ERBB4: variants seen among roughly 807,000 people sequenced by gnomAD.
ERBB4 encodes the protein receptor tyrosine-protein kinase erbB-4.
ERBB4 carries 42 observed loss-of-function variants against 158.0 expected under a neutral mutation model. That is an observed-to-expected ratio of 0.27 (90% confidence interval 0.21 to 0.34). The LOEUF is 0.34. ERBB4 is among the 10% of genes least tolerant of loss of function. The pLI is 1.00. For missense variants in ERBB4, 1,333 were observed against 1,624.1 expected (o/e 0.82, Z 3.08); for synonymous variants, 583 against 558.7 (o/e 1.04, Z -0.61).
At chr2:212,345,138 C>T (rs2088923689) in intron 1 of ERBB4, among the ~76,000 whole-genome samples, 1 of 151,390 alleles carries the variant, frequency 6.6e-6, no homozygotes, top group South Asian at 2.1e-4. Flanking sequence ...TGATGGCGGG[C>T]GCCTGTAATC....
At chr2:212,001,915 A>G (rs74506813) in intron 2 of ERBB4, among the ~76,000 whole-genome samples, 1 of 152,328 alleles carries the variant, frequency 6.6e-6, no homozygotes, top group African/African-American at 2.4e-5. Context: ...AGATAAATTT[A>G]GCTTCATATT....
At chr2:212,407,274 T>A (rs1443028099) in intron 1 of ERBB4, among the ~76,000 whole-genome samples, 1 of 151,978 alleles carries the variant, frequency 6.6e-6, no homozygotes, top group Non-Finnish European at 1.5e-5. Flanking sequence ...TACTATAGAA[T>A]TGAATACCTG....
chr2:212,495,272 G>C (rs551394851), intron 1 of ERBB4, among the ~76,000 whole-genome samples: 3 of 139,568 alleles, frequency 2.1e-5, no homozygotes, highest in African/African-American at 6.7e-5. Context: ...AAAATCCCCT[G>C]TCTCTCACCC....
chr2:212,019,934 A>G (rs572671960), intron 2 of ERBB4, among the ~76,000 whole-genome samples: 2 of 152,202 alleles, frequency 1.3e-5, no homozygotes, highest in South Asian at 4.1e-4. Context: ...CAGTCAATAA[A>G]ATGGTAACTA....
intron 12 of ERBB4, among the ~76,000 whole-genome samples, chr2:211,681,311 TA>T (rs2072323430): frequency 6.6e-6 from 1 of 152,172 alleles, no homozygotes; most frequent in African/African-American, 2.4e-5. Flanking sequence ...AGTAGTAGAT[TA>T]CTATGAATAT....
In ERBB4 at chr2:211,378,263, A is replaced by C. The variant is rs545217993; in HGVS notation, c.*5352T>G. ...GAGTATTTTCCAGAGGAAGCATGTG[A>C]ATACCCCCCGTGAAATTGGGGCTTA... On this transcript the variant is annotated 3_prime_UTR_variant, in exon 28 of 28. Coordinates refer to ENST00000342788, the MANE Select transcript of ERBB4 (RefSeq NM_005235.3). 5 of 232,970 alleles carry C rather than the reference A, an allele frequency of 2.1e-5. No individual in the cohort carries two copies. The highest frequency in any genetic ancestry group is 1.1e-4 in the African/African-American group (5 of 45,438). 14.4% of individuals were successfully genotyped at this position (232,970 alleles called of 1,614,324 possible).
intron 16 of ERBB4, among the ~76,000 whole-genome samples, chr2:211,648,501 T>C (rs1439726413): frequency 1.3e-5 from 2 of 151,806 alleles, no homozygotes; most frequent in East Asian, 1.9e-4. Context: ...TGACATGTAG[T>C]AAATACAATG....
chr2:211,765,580 T>A (rs758129341), intron 4 of ERBB4, among the ~76,000 whole-genome samples: 3 of 152,136 alleles, frequency 2.0e-5, no homozygotes, highest in Non-Finnish European at 2.9e-5. Flanking sequence ...ATGATGGTAA[T>A]CAATCTTTCT....
chr2:211,696,379 A>G (rs2073022866), intron 12 of ERBB4, among the ~76,000 whole-genome samples: 2 of 151,670 alleles, frequency 1.3e-5, no homozygotes, highest in African/African-American at 2.4e-5. Flanking sequence ...CCAAAGTGCT[A>G]GGATTACAGG....
chr2:212,523,238 G>A (rs1692270407), intron 1 of ERBB4, among the ~76,000 whole-genome samples: 2 of 151,832 alleles, frequency 1.3e-5, no homozygotes, highest in Non-Finnish European at 2.9e-5. Flanking sequence ...CCCTAGGAAA[G>A]TGCTTCTCTT....
At chr2:211,938,497 TA>T (rs1322660858) in intron 3 of ERBB4, among the ~76,000 whole-genome samples, 1 of 152,058 alleles carries the variant, frequency 6.6e-6, no homozygotes, top group Non-Finnish European at 1.5e-5. Context: ...TAAAATTAAT[TA>T]AAATTAGATA....
chr2:211,432,369 C>T (rs1412870090), intron 20 of ERBB4, among the ~76,000 whole-genome samples: 1 of 151,962 alleles, frequency 6.6e-6, no homozygotes. Context: ...TGAGCCAAAC[C>T]CCATATAAAT....
intron 2 of ERBB4, among the ~76,000 whole-genome samples, chr2:212,080,182 C>T (rs1388841349): frequency 6.6e-6 from 1 of 151,464 alleles, no homozygotes; most frequent in Admixed American, 6.6e-5. Context: ...TGTGGTGGTG[C>T]GTGCCTGTAA....
intron 3 of ERBB4, among the ~76,000 whole-genome samples, chr2:211,905,681 T>TATATATATATACACAC (rs1480195605): frequency 9.0e-6 from 1 of 110,668 alleles, no homozygotes; most frequent in Non-Finnish European, 1.8e-5. Context: ...TATATATATA[T>TATATATATATACACAC]ACACACATAT....
chr2:211,893,302 A>G (rs1458009186), intron 3 of ERBB4, among the ~76,000 whole-genome samples: 1 of 144,624 alleles, frequency 6.9e-6, no homozygotes, highest in Non-Finnish European at 1.5e-5. Context: ...AAAAACAAGC[A>G]AGGGGGAAAG....
intron 1 of ERBB4, among the ~76,000 whole-genome samples, chr2:212,452,404 G>A (rs1182629127): frequency 6.6e-6 from 1 of 152,074 alleles, no homozygotes; most frequent in East Asian, 1.9e-4. Context: ...AATTACAAAT[G>A]TTTTAAACTA....
At chr2:211,579,108 AAAAC>A (rs1452025354) in intron 19 of ERBB4, among the ~76,000 whole-genome samples, 1 of 152,320 alleles carries the variant, frequency 6.6e-6, no homozygotes. Context: ...TTACAAGAAA[AAAAC>A]AAACAATCCC....
intron 1 of ERBB4, among the ~76,000 whole-genome samples, chr2:212,495,563 C>T (rs953013167): frequency 6.6e-6 from 1 of 152,150 alleles, no homozygotes; most frequent in African/African-American, 2.4e-5. Context: ...GTAGCTGAAA[C>T]TTTTTCAGTT....
intron 2 of ERBB4, among the ~76,000 whole-genome samples, chr2:212,091,941 A>G (rs1559481148): frequency 6.6e-6 from 1 of 152,140 alleles, no homozygotes; most frequent in South Asian, 2.1e-4. Context: ...GTAAATGATC[A>G]TTACGAAGCA....
Sources: gnomAD v4.1 joint callset for allele counts (sites outside exome capture counted in the v4.1 genomes callset) on GRCh38, gnomAD v4.1.1 for gene constraint, MANE v1.5 for transcripts, NCBI Gene and HGNC (gene_info 2026-07-23, HGNC 2026-07-21) for gene names.